Variants in SETD6 observed in about 807,000 individuals in gnomAD.
SETD6 encodes SET domain containing 6, protein lysine methyltransferase.
SETD6 carries 67 observed loss-of-function variants against 52.7 expected under a neutral mutation model. The ratio of observed to expected loss-of-function variants is 1.27; its 90% CI spans 1.04 to 1.56. SETD6 has a LOEUF of 1.56. Among genes scored for constraint, SETD6 ranks in the 40% most tolerant of loss-of-function variants. The pLI is 0.00. For synonymous variants in SETD6, 307 were observed against 250.2 expected (o/e 1.23, Z -2.14); for missense variants, 712 against 607.5 (o/e 1.17, Z -1.81).
chr16:58,515,559 C>T lies in SETD6; in HGVS notation c.22C>T (p.Pro8Ser), dbSNP rs751461520. The change falls in exon 1 of 8, where the codon CCA (proline) becomes TCA (serine). Residue 8 changes from proline to serine, a missense_variant. Coordinates refer to ENST00000219315, the MANE Select transcript of SETD6 (RefSeq NM_001160305.4). ...GACCATGGCGACCCAGGCGAAGCGT[C>T]CACGGGTGAGTGGCGGGCGCGGGGT... is the stretch of plus-strand genomic sequence containing the variant. MATQAKR[P>S]RVAGPVDGGD... 63 of 1,587,076 alleles carry T rather than the reference C, an allele frequency of 4.0e-5. No homozygotes were observed. Among genetic ancestry groups the T allele is most frequent in the Admixed American group, 1.6e-4 (9 of 57,802 alleles).
At chr16:58,517,059 A>G (rs771239199) in intron 5 of SETD6, 131 bp downstream of exon 5, 4 of 1,306,064 alleles carry the variant, frequency 3.1e-6, no homozygotes, top group South Asian at 2.4e-5. Context: ...TTTAGTATGC[A>G]TATTACTGTA....
rs754584477 is a variant in SETD6, at chr16:58,515,873, G to C, written c.110G>C (p.Ser37Thr). The part of the protein sequence containing the change: ...SWCRRVGLEL[S>T]PKVSERAGGR... ...TGCCGGCGGGTGGGGCTGGAGCTGA[G>C]TCCCAAGGTGAGCGAGCGAGCCGGC... is the stretch of plus-strand genomic sequence containing the variant. The change falls in exon 2 of 8, where the codon AGT (serine) becomes ACT (threonine). Residue 37 changes from serine (S) to threonine (T), a missense_variant. Coordinates refer to ENST00000219315, the MANE Select transcript of SETD6 (RefSeq NM_001160305.4). The C allele has an allele frequency of 2.6e-6, 4 of 1,522,424 alleles. No individual in the cohort carries two copies. The highest frequency in any genetic ancestry group is 2.9e-5 in the African/African-American group (2 of 69,472). 94.3% of individuals were successfully genotyped at this position (1,522,424 alleles called of 1,614,324 possible). A position where few individuals can be genotyped will look rare whatever the true frequency, so the allele number is the denominator to read the frequency against.
rs1050987192 is a variant in SETD6 at position 58,521,987 on chromosome 16, C to T, written c.*2958C>T. On this transcript the variant is annotated 3_prime_UTR_variant, in exon 8 of 8. Coordinates refer to ENST00000219315, the MANE Select transcript of SETD6 (RefSeq NM_001160305.4). ...TAAATTAAATAAATAAATAAGCTCA[C>T]TCTCAATAAAAAGGAAACAGAAAAT... is the stretch of plus-strand genomic sequence containing the variant. Among the ~76,000 whole-genome samples, 3 of 151,722 alleles carry T rather than the reference C, an allele frequency of 2.0e-5. No homozygotes were observed. Among genetic ancestry groups the T allele is most frequent in the Admixed American group, 6.6e-5 (1 of 15,220 alleles).
chr16:58,522,691 A>C lies in SETD6; in HGVS notation c.*3662A>C, dbSNP rs1329721450. On this transcript the variant is annotated 3_prime_UTR_variant, in exon 8 of 8. Transcript: ENST00000219315. Reference sequence around the variant, plus strand: ...TACTGCTTTCAACCCAGAGGTAATGAGGAAAAGTCCAAGTTCCTTAACATA... The same window carrying C: ...TACTGCTTTCAACCCAGAGGTAATGCGGAAAAGTCCAAGTTCCTTAACATA... 6.6e-6 allele frequency among the ~76,000 whole-genome samples: 1 copy of C among 152,248 alleles called. No homozygotes were observed.
At position 58,522,732 on chromosome 16, in the gene SETD6, C is replaced by T. The variant is rs6499960; in HGVS notation, c.*3703C>T. ...CCTTAACATAGACTTCATAGGCCTG[C>T]ATGATTTAGGACTGGTTATCACCAC... On this transcript the variant is annotated 3_prime_UTR_variant, in exon 8 of 8. Transcript: ENST00000219315. Among the ~76,000 whole-genome samples the T allele has an allele frequency of 0.39, 59,361 of 152,030 alleles. 12,971 individuals are homozygous for T. The highest frequency in any genetic ancestry group is 0.59 in the African/African-American group (24,465 of 41,458).
chr16:58,518,250 C>A lies in SETD6; in HGVS notation c.973+19C>A. On this transcript the variant is annotated intron_variant, in intron 6 of 7. Coordinates refer to ENST00000219315, the MANE Select transcript of SETD6 (RefSeq NM_001160305.4). Reference sequence around the variant, plus strand: ...TTACAGGGTGAGTGTATCATTAACTCAATATTTGACACTGATGGTGTGTCT... The same window carrying A: ...TTACAGGGTGAGTGTATCATTAACTAAATATTTGACACTGATGGTGTGTCT... The A allele has an allele frequency of 1.9e-6, 3 of 1,613,808 alleles. No individual in the cohort carries two copies. The highest frequency in any genetic ancestry group is 2.5e-6 in the Non-Finnish European group (3 of 1,179,804).
chr16:58,515,697 C>A, intron 1 of SETD6, 94 bp from the exon 2 acceptor site: 1 of 1,408,274 alleles, frequency 7.1e-7, no homozygotes, highest in Admixed American at 3.1e-5. Flanking sequence ...CCCTCCTCCA[C>A]CCAAAGCCCG....
rs201112505 is a variant in SETD6, at chr16:58,516,655, C to T, written c.654C>T (p.Ala218=). Residue 218 remains alanine (A), a synonymous_variant, in exon 4 of 8, where the codon GCC becomes GCT. Transcript: ENST00000219315. Reference sequence around the variant, plus strand: ...TAGAACTCTACCACCAGCTGGTGGCCCTTGTGATGGCCTATAGGTCAGTGG... The same window carrying T: ...TAGAACTCTACCACCAGCTGGTGGCTCTTGTGATGGCCTATAGGTCAGTGG... ...RSLELYHQLV[A]LVMAYSFQEP... is the part of the protein sequence containing the mutation. 283 of 1,613,876 alleles carry T rather than the reference C, an allele frequency of 1.8e-4. 1 individual carries two copies. In the East Asian group the frequency reaches 6.2e-3, roughly 35 times the overall value.
chr16:58,515,834 G>A lies in SETD6; in HGVS notation c.71G>A (p.Cys24Tyr). The A allele has an allele frequency of 6.5e-7, 1 of 1,538,454 alleles. No individual in the cohort carries two copies. The change falls in exon 2 of 8, where the codon TGC becomes TAC. Residue 24 changes from cysteine to tyrosine, a missense_variant. Cys to Tyr is a radical substitution (Grantham distance 194). Coordinates refer to ENST00000219315, the MANE Select transcript of SETD6 (RefSeq NM_001160305.4). ...GGCGGCGACCTGGATCCTGTGGCCT[G>A]CTTCCTGAGCTGGTGCCGGCGGGTG... ...VDGGDLDPVA[C>Y]FLSWCRRVGL...
In SETD6 at chr16:58,515,838, C is replaced by A; in HGVS notation, c.75C>A (p.Phe25Leu). Reference sequence around the variant, plus strand: ...GCGACCTGGATCCTGTGGCCTGCTTCCTGAGCTGGTGCCGGCGGGTGGGGC... The same window carrying A: ...GCGACCTGGATCCTGTGGCCTGCTTACTGAGCTGGTGCCGGCGGGTGGGGC... ...DGGDLDPVACFLSWCRRVGLE... is the reference protein window; with the variant it reads ...DGGDLDPVACLLSWCRRVGLE... Residue 25 changes from phenylalanine to leucine, a missense_variant, in exon 2 of 8, where the codon TTC becomes TTA. Phe to Leu is a conservative substitution (Grantham distance 22). Coordinates refer to ENST00000219315, the MANE Select transcript of SETD6 (RefSeq NM_001160305.4). 6.5e-7 allele frequency: 1 copy of A among 1,539,852 alleles called. No homozygotes were observed. The highest frequency in any genetic ancestry group is 8.7e-7 in the Non-Finnish European group (1 of 1,153,176).
rs968569086 is a variant in SETD6, at chr16:58,523,400, T to C, written c.*4371T>C. The C allele has an allele frequency of 6.2e-7, 1 of 1,613,902 alleles. No homozygotes were observed. On this transcript the variant is annotated 3_prime_UTR_variant, in exon 8 of 8. Transcript: ENST00000219315. Reference sequence around the variant, plus strand: ...GATCTGTTCTTGGATGGCTTCCGTATTGGCCTCTGCAAAAAGGTACAGCAT... The same window carrying C: ...GATCTGTTCTTGGATGGCTTCCGTACTGGCCTCTGCAAAAAGGTACAGCAT...
chr16:58,517,929 T>C, intron 5 of SETD6, 122 bp from the exon 6 acceptor site: 1 of 1,217,698 alleles, frequency 8.2e-7, no homozygotes, highest in East Asian at 2.5e-5. Context: ...GGTAGAACTT[T>C]GGTAGTTAAC....
In SETD6 at chr16:58,523,333, C is replaced by T. The variant is rs755516483; in HGVS notation, c.*4304C>T. 6.5e-7 allele frequency: 1 copy of T among 1,539,430 alleles called. No individual in the cohort carries two copies. The highest frequency in any genetic ancestry group is 1.4e-5 in the African/African-American group (1 of 71,832). On this transcript the variant is annotated 3_prime_UTR_variant, in exon 8 of 8. Coordinates refer to ENST00000219315, the MANE Select transcript of SETD6 (RefSeq NM_001160305.4). ...AAAAAAAAGATGAAAGGGAGGAGAT[C>T]CTTTTGAAGCATTTAAAAAATAAGC...
rs552852112 is a variant in SETD6 at position 58,516,004 on chromosome 16, G to C, written c.241G>C (p.Glu81Gln). 11 of 1,543,900 alleles carry C rather than the reference G, an allele frequency of 7.1e-6. No homozygotes were observed. The African/African-American group carries it at 1.6e-4, about 22-fold the overall frequency. ...GGCCGGCTACGGCATGGTGGCCCGG[G>C]AGAGCGTGCAGGCCGGAGAGCTGTT... Reference protein sequence around the residue: ...TVAGYGMVARESVQAGELLFV... With the variant: ...TVAGYGMVARQSVQAGELLFV... The change falls in exon 2 of 8, where the codon GAG becomes CAG. Residue 81 changes from glutamate to glutamine, a missense_variant. Coordinates refer to ENST00000219315, the MANE Select transcript of SETD6 (RefSeq NM_001160305.4).
intron 5 of SETD6, chr16:58,517,785 G>A (rs557667002): frequency 3.7e-5 from 19 of 512,468 alleles, no homozygotes; most frequent in South Asian, 1.3e-4. Context: ...CGAAAATTTC[G>A]TTTTTAAAGC....
chr16:58,523,567 A>C lies in SETD6; in HGVS notation c.*4538A>C. 1 of 1,529,462 alleles carries C rather than the reference A, an allele frequency of 6.5e-7. No individual in the cohort carries two copies. Among genetic ancestry groups the C allele is most frequent in the Non-Finnish European group, 8.9e-7 (1 of 1,118,376 alleles). 94.7% of individuals were successfully genotyped at this position (1,529,462 alleles called of 1,614,324 possible). ...AGGCCAACATGGGAAGACAGTTCTA[A>C]CTGGCTAGGGTTTGGGTTTCTGACA... On this transcript the variant is annotated 3_prime_UTR_variant, in exon 8 of 8. Coordinates refer to ENST00000219315, the MANE Select transcript of SETD6 (RefSeq NM_001160305.4).
rs1207691895 is a variant in SETD6, at chr16:58,518,061, G to T, written c.803G>T (p.Arg268Leu). The part of the protein sequence containing the change: ...ANLEYSANCL[R>L]MVATQPIPKG... ...TCCCTTTCACCTCAGAATTGTCTTC[G>T]GATGGTAGCCACTCAGCCCATTCCT... Residue 268 changes from arginine to leucine, a missense_variant, in exon 6 of 8, where the codon CGG becomes CTG. Coordinates refer to ENST00000219315, the MANE Select transcript of SETD6 (RefSeq NM_001160305.4). 24 of 1,614,118 alleles carry T rather than the reference G, an allele frequency of 1.5e-5. No homozygotes were observed. The highest frequency in any genetic ancestry group is 1.8e-5 in the Non-Finnish European group (21 of 1,180,036).
In SETD6 at chr16:58,521,392, T is replaced by C. The variant is rs2039363703; in HGVS notation, c.*2363T>C. On this transcript the variant is annotated 3_prime_UTR_variant, in exon 8 of 8. Coordinates refer to ENST00000219315, the MANE Select transcript of SETD6 (RefSeq NM_001160305.4). ...ATGATTATTCTTCCATTACTTTTTT[T>C]CTAACTTCTCCCTGACTATTGAACC... The C allele has an allele frequency of 4.1e-6, 6 of 1,455,406 alleles. No individual in the cohort carries two copies. In the African/African-American group the frequency reaches 4.3e-5, roughly 10 times the overall value. The allele number at this position is 1,455,406 out of a possible 1,614,324, so 90.2% of individuals were successfully genotyped here.
Position 58,523,752 on chromosome 16 carries a change from A to G in SETD6, c.*4723A>G, listed in dbSNP as rs548315750. 1 of 313,152 alleles carries G rather than the reference A, an allele frequency of 3.2e-6. No individual in the cohort carries two copies. The highest frequency in any genetic ancestry group is 5.5e-5 in the East Asian group (1 of 18,236). 19.4% of individuals were successfully genotyped at this position (313,152 alleles called of 1,614,324 possible). A position where few individuals can be genotyped will look rare whatever the true frequency, so the allele number is the denominator to read the frequency against. On this transcript the variant is annotated 3_prime_UTR_variant, in exon 8 of 8. Coordinates refer to ENST00000219315, the MANE Select transcript of SETD6 (RefSeq NM_001160305.4). ...CCCACTATGTGCTAATGTAAGAAACATGAACTATTTTCTGGTGACACTCAT... is the reference window on the plus strand; with the variant it reads ...CCCACTATGTGCTAATGTAAGAAACGTGAACTATTTTCTGGTGACACTCAT...
Sources: gnomAD v4.1 joint callset for allele counts (sites outside exome capture counted in the v4.1 genomes callset) on GRCh38, gnomAD v4.1.1 for gene constraint, MANE v1.5 for transcripts, NCBI Gene and HGNC (gene_info 2026-07-23, HGNC 2026-07-21) for gene names.